ERCC6: variants seen among roughly 807,000 people sequenced by gnomAD.
The protein encoded by ERCC6 is DNA excision repair protein ERCC-6.
In ERCC6, 116 loss-of-function variants were observed where a neutral mutation model predicts 158.7. The observed-to-expected ratio is 0.73, with a 90% CI of 0.63 to 0.85. ERCC6 has a LOEUF of 0.85. Ranked by LOEUF, ERCC6 falls within the 40% of genes least tolerant of loss-of-function variation. ERCC6 has a pLI of 0.00. For synonymous variants in ERCC6, 678 were observed against 659.3 expected (o/e 1.03, Z -0.43); for missense variants, 1,698 against 1,799.4 (o/e 0.94, Z 1.02).
At chr10:49,472,774 G>A (rs1401106330) in intron 15 of ERCC6, 135 bp downstream of exon 15, 21 of 1,087,308 alleles carry the variant, frequency 1.9e-5, no homozygotes, top group East Asian at 2.6e-5. Flanking sequence ...CTTCTTTCAC[G>A]TTGAAGAACA....
At chr10:49,506,967 C>A (rs192422121) in intron 5 of ERCC6, among the ~76,000 whole-genome samples, 16 of 151,666 alleles carry the variant, frequency 1.1e-4, no homozygotes, top group African/African-American at 3.6e-4. Flanking sequence ...AAAAAAAAAA[C>A]TCATAGGAAG....
At chr10:49,500,944 G>A in intron 6 of ERCC6, 4 of 480,164 alleles carry the variant, frequency 8.3e-6, no homozygotes, top group Non-Finnish European at 1.5e-5. Context: ...GATAGATGGG[G>A]TAATTAGAGA....
chr10:49,493,079 T>C, intron 8 of ERCC6, 38 bp downstream of exon 8: 1 of 1,610,588 alleles, frequency 6.2e-7, no homozygotes, highest in Non-Finnish European at 8.5e-7. Flanking sequence ...ATGGAGGGCA[T>C]TAAAACAAAA....
At position 49,458,980 on chromosome 10, in the gene ERCC6, G is replaced by C; in HGVS notation, c.4317C>G (p.Ala1439=). Residue 1439 remains alanine (A), a synonymous_variant, in exon 21 of 21, where the codon GCC becomes GCG. Coordinates refer to ENST00000355832, the MANE Select transcript of ERCC6 (RefSeq NM_000124.4). ...TGGTGCTGGCCTGGCCATCAGTGTG[G>C]GCCTGGAAAGCGATGAAGTTTCTCA... ...VEMRNFIAFQ[A]HTDGQASTRE... 1.2e-6 allele frequency: 2 copies of C among 1,614,126 alleles called. No individual in the cohort carries two copies. Among genetic ancestry groups the C allele is most frequent in the Non-Finnish European group, 1.7e-6 (2 of 1,180,032 alleles).
intron 7 of ERCC6, among the ~76,000 whole-genome samples, chr10:49,496,083 C>T (rs1319044829): frequency 6.6e-6 from 1 of 152,188 alleles, no homozygotes; most frequent in Non-Finnish European, 1.5e-5. Flanking sequence ...CAGCCTGAAC[C>T]GTCTTCCCTT....
chr10:49,501,845 A>G (rs1322396325), intron 6 of ERCC6: 1 of 152,032 alleles, frequency 6.6e-6, no homozygotes, highest in Non-Finnish European at 1.5e-5. Context: ...CTGTAGTCCT[A>G]GCTACTTGGG....
At chr10:49,441,115 G>A in the ERCC6 span, among the ~76,000 whole-genome samples, 1 of 152,234 alleles carries the variant, frequency 6.6e-6, no homozygotes, top group Non-Finnish European at 1.5e-5. Flanking sequence ...ACTGGTTTCA[G>A]TTGACAAAAT....
At chr10:49,499,037 A>G (rs1425981374) in intron 7 of ERCC6, among the ~76,000 whole-genome samples, 3 of 152,202 alleles carry the variant, frequency 2.0e-5, no homozygotes, top group Non-Finnish European at 2.9e-5. Flanking sequence ...TTGAAACAGA[A>G]AAAGCATATT....
rs145823189 is a variant in ERCC6 at position 49,482,795 on chromosome 10, C to T, written c.2061G>A (p.Ser687=). The change falls in exon 10 of 21, where the codon TCG becomes TCA. Residue 687 remains serine, a synonymous_variant. Coordinates refer to ENST00000355832, the MANE Select transcript of ERCC6 (RefSeq NM_000124.4). The stretch of plus-strand genomic sequence containing the variant: ...TTCCCGGGAAGATGAAGTCAAAGAG[C>T]GACCACAGCTCTCGGAGGTTATTTT... The part of the protein sequence containing the change: ...PMQNNLRELW[S]LFDFIFPGKL... 1.2e-5 allele frequency: 19 copies of T among 1,613,816 alleles called. No homozygotes were observed. The African/African-American group carries it at 1.5e-4, about 12-fold the overall frequency.
chr10:49,465,962 G>A (rs937385228), intron 18 of ERCC6, among the ~76,000 whole-genome samples: 1 of 152,122 alleles, frequency 6.6e-6, no homozygotes, highest in African/African-American at 2.4e-5. Context: ...GGACAGGGTG[G>A]GGGATGACAC....
chr10:49,473,764 A>T (rs537921149), intron 13 of ERCC6, among the ~76,000 whole-genome samples, 177 bp from the exon 14 acceptor site: 14 of 152,352 alleles, frequency 9.2e-5, no homozygotes, highest in African/African-American at 2.6e-4. Flanking sequence ...CCGTATGGTT[A>T]ATTCTTACTT....
chr10:49,466,677 T>A (rs1426220019), intron 18 of ERCC6, among the ~76,000 whole-genome samples: 1 of 152,224 alleles, frequency 6.6e-6, no homozygotes, highest in African/African-American at 2.4e-5. Context: ...CATGACTGTG[T>A]GTTTTCTAGA....
At chr10:49,536,124 TAAA>T (rs1161501018) in intron 1 of ERCC6, among the ~76,000 whole-genome samples, 1 of 151,668 alleles carries the variant, frequency 6.6e-6, no homozygotes, top group African/African-American at 2.4e-5. Context: ...CTCGAAAAAA[TAAA>T]AAAGTTTCAG....
intron 5 of ERCC6, among the ~76,000 whole-genome samples, chr10:49,510,458 G>GC (rs1851514298): frequency 6.6e-6 from 1 of 151,920 alleles, no homozygotes; most frequent in South Asian, 2.1e-4. Flanking sequence ...CCTCACTCAT[G>GC]CAGCACCACC....
rs1836993023 is a variant in ERCC6, at chr10:49,517,034, T to C, written c.1397+6999A>G. The C allele has an allele frequency of 6.2e-7, 1 of 1,613,874 alleles. No individual in the cohort carries two copies. On this transcript the variant is annotated intron_variant, in intron 5 of 20. Coordinates refer to ENST00000355832, the MANE Select transcript of ERCC6 (RefSeq NM_000124.4). ...GTGCTGTAGCATTTTCAGGTGGTTG[T>C]ATCACTATAGCACTTGCTTCTATGC...
At chr10:49,447,946 G>A in the ERCC6 span, among the ~76,000 whole-genome samples, 31 of 152,226 alleles carry the variant, frequency 2.0e-4, no homozygotes, top group Admixed American at 5.9e-4. Context: ...ATCTGTCAAT[G>A]GACGCTTCAA....
rs1328093046 is a variant in ERCC6, at chr10:49,514,423, T to C, written c.1398-8411A>G. 2.6e-5 allele frequency among the ~76,000 whole-genome samples: 4 copies of C among 152,194 alleles called. No homozygotes were observed. The East Asian group carries it at 7.7e-4, about 29-fold the overall frequency. On this transcript the variant is annotated intron_variant, in intron 5 of 20. Coordinates refer to ENST00000355832, the MANE Select transcript of ERCC6 (RefSeq NM_000124.4). ...ACAAAATACACATATTAATGGGAAT[T>C]ATCAAATATTAGTTGCCTGAGATCA...
At chr10:49,484,686 G>C (rs977579749) in intron 8 of ERCC6, among the ~76,000 whole-genome samples, 1 of 152,196 alleles carries the variant, frequency 6.6e-6, no homozygotes, top group East Asian at 1.9e-4. Flanking sequence ...TCTACAGTGA[G>C]CTATAATCTC....
chr10:49,458,102 C>T lies in ERCC6; in HGVS notation c.*713G>A, dbSNP rs1431632338. The T allele has an allele frequency of 6.6e-6, 1 of 152,050 alleles. No individual in the cohort carries two copies. Among genetic ancestry groups the T allele is most frequent in the Non-Finnish European group, 1.5e-5 (1 of 68,056 alleles). 9.4% of individuals were successfully genotyped at this position (152,050 alleles called of 1,614,324 possible). ...TTAATTTGATTTTTTTTAATGATAA[C>T]ACATTTTGTGACTGTAGGAGAGAAA... is the stretch of plus-strand genomic sequence containing the variant. On this transcript the variant is annotated 3_prime_UTR_variant, in exon 21 of 21. Transcript: ENST00000355832.
Sources: gnomAD v4.1 joint callset for allele counts (sites outside exome capture counted in the v4.1 genomes callset) on GRCh38, gnomAD v4.1.1 for gene constraint, MANE v1.5 for transcripts, NCBI Gene and HGNC (gene_info 2026-07-23, HGNC 2026-07-21) for gene names.